ART3: variants seen among roughly 807,000 people sequenced by gnomAD.
The protein encoded by ART3 is ADP-ribosyltransferase 3 (inactive).
In ART3, 49 loss-of-function variants were observed where a neutral mutation model predicts 48.5. That is an observed-to-expected ratio of 1.01 (90% CI 0.80 to 1.28). ART3 has a LOEUF of 1.28. Ranked by LOEUF, ART3 falls within the 50% of genes most tolerant of loss-of-function variation. ART3 has a pLI of 0.00. For synonymous variants in ART3, 145 were observed against 157.2 expected (o/e 0.92, Z 0.58); for missense variants, 438 against 454.3 (o/e 0.96, Z 0.33).
intron 1 of ART3, among the ~76,000 whole-genome samples, chr4:76,053,077 C>T (rs1736290944): frequency 6.6e-6 from 1 of 152,122 alleles, no homozygotes; most frequent in Non-Finnish European, 1.5e-5. Context: ...TATTTGTTCC[C>T]TGAAAGTTGA....
chr4:76,049,974 G>A (rs553334812), intron 1 of ART3, among the ~76,000 whole-genome samples: 4 of 151,804 alleles, frequency 2.6e-5, no homozygotes, highest in South Asian at 2.1e-4. Flanking sequence ...GAGTGAAGCT[G>A]CAGACCTTAG....
intron 11 of ART3, among the ~76,000 whole-genome samples, chr4:76,111,541 G>GTATA (rs1729477076): frequency 6.6e-6 from 1 of 151,092 alleles, no homozygotes; most frequent in South Asian, 2.1e-4. Flanking sequence ...TAAAAATACA[G>GTATA]TTTATTTATT....
chr4:76,043,507 C>A (rs1578293393), intron 1 of ART3, among the ~76,000 whole-genome samples: 1 of 152,264 alleles, frequency 6.6e-6, no homozygotes, highest in South Asian at 2.1e-4. Context: ...ACCCAGTACA[C>A]CCTCCGCAGC....
At chr4:76,111,716 A>C (rs565272219) in intron 11 of ART3, among the ~76,000 whole-genome samples, 1 of 151,752 alleles carries the variant, frequency 6.6e-6, no homozygotes, top group Admixed American at 6.6e-5. Flanking sequence ...CTAATTCTGT[A>C]TATTTAGTAG....
intron 1 of ART3, among the ~76,000 whole-genome samples, chr4:76,060,141 T>A (rs181569149): frequency 6.6e-6 from 1 of 152,312 alleles, no homozygotes; most frequent in Admixed American, 6.5e-5. Context: ...AAAGTCTAAT[T>A]AACATGTAAG....
upstream of ART3, among the ~76,000 whole-genome samples, chr4:76,070,347 A>T (rs1342366709): frequency 6.6e-6 from 1 of 152,178 alleles, no homozygotes; most frequent in Non-Finnish European, 1.5e-5. Flanking sequence ...ATTCTCATCA[A>T]CATTTTATGT....
At chr4:76,027,948 A>G (rs1478536782) in intron 1 of ART3, among the ~76,000 whole-genome samples, 1 of 152,168 alleles carries the variant, frequency 6.6e-6, no homozygotes, top group East Asian at 1.9e-4. Context: ...AAATTAAAAG[A>G]CAGTGTATCC....
chr4:76,020,822 C>A lies in ART3; in HGVS notation c.-10+9502C>A, dbSNP rs921140292. On this transcript the variant is annotated intron_variant, in intron 1 of 9. Transcript: ENST00000341029. Reference sequence around the variant, plus strand: ...TGAGCTATGATTGCACCACTGCACTCCGGCTTGGGTGACAGAGGAAGACCC... The same window carrying A: ...TGAGCTATGATTGCACCACTGCACTACGGCTTGGGTGACAGAGGAAGACCC... Among the ~76,000 whole-genome samples the A allele has an allele frequency of 7.2e-5, 11 of 152,032 alleles. No individual in the cohort carries two copies. The East Asian group carries it at 1.5e-3, about 21-fold the overall frequency.
In ART3 at chr4:76,057,926, T is replaced by G. The variant is rs1365005948; in HGVS notation, c.-9-17955T>G. 2.0e-5 allele frequency: 3 copies of G among 152,242 alleles called. No individual in the cohort carries two copies. The East Asian group carries it at 5.8e-4, about 29-fold the overall frequency. 9.4% of individuals were successfully genotyped at this position (152,242 alleles called of 1,614,324 possible). A position where few individuals can be genotyped will look rare whatever the true frequency, so the allele number is the denominator to read the frequency against. On this transcript the variant is annotated intron_variant, in intron 1 of 9. Coordinates refer to the ART3 transcript ENST00000341029. The stretch of plus-strand genomic sequence containing the variant: ...TTTCGAACATTGATAGGAAAGCAAC[T>G]CACTTTGGTTTTTATTTGTAATATT...
intron 1 of ART3, among the ~76,000 whole-genome samples, chr4:76,048,688 C>T (rs186563956): frequency 6.6e-6 from 1 of 152,040 alleles, no homozygotes; most frequent in African/African-American, 2.4e-5. Context: ...CACTAGTTTT[C>T]CTCCCAGACC....
chr4:76,015,150 C>T (rs1386218487), intron 1 of ART3, among the ~76,000 whole-genome samples: 1 of 152,076 alleles, frequency 6.6e-6, no homozygotes, highest in South Asian at 2.1e-4. Context: ...ATATAAAAAC[C>T]AGTATTATTG....
At chr4:76,041,124 C>A (rs1324557282) in intron 1 of ART3, 2 of 152,226 alleles carry the variant, frequency 1.3e-5, no homozygotes, top group Non-Finnish European at 2.9e-5. Context: ...CAAGTCCTTT[C>A]CGTGTGTTCC....
chr4:76,011,584 A>C (rs543384506), intron 1 of ART3, among the ~76,000 whole-genome samples: 1 of 152,300 alleles, frequency 6.6e-6, no homozygotes, highest in Admixed American at 6.5e-5. Flanking sequence ...CCTTCGGATA[A>C]GAGAAAGGAG....
At chr4:76,104,686 C>CTATTAG in intron 10 of ART3, 57 bp downstream of exon 10, 1 of 1,542,312 alleles carries the variant, frequency 6.5e-7, no homozygotes, top group Non-Finnish European at 8.8e-7. Flanking sequence ...AGTACAGTCA[C>CTATTAG]CATTAGATAT....
At chr4:76,106,082 A>G in intron 10 of ART3, 1 of 985,306 alleles carries the variant, frequency 1.0e-6, no homozygotes, top group Non-Finnish European at 1.2e-6. Context: ...TTAATCCAAT[A>G]CGATAAATAT....
chr4:76,060,053 A>G (rs4616778), intron 1 of ART3, among the ~76,000 whole-genome samples: 89,041 of 151,894 alleles, frequency 0.59, 26,953 homozygotes, highest in East Asian at 0.94. Flanking sequence ...AACCTTGTCT[A>G]ATTTATCTTC....
intron 2 of ART3, among the ~76,000 whole-genome samples, chr4:76,079,475 T>A (rs1194131664): frequency 3.3e-5 from 5 of 152,196 alleles, no homozygotes; most frequent in African/African-American, 1.2e-4. Flanking sequence ...ATAAATTTGA[T>A]ATATAGGACT....
chr4:76,079,413 T>A (rs1721938991), intron 2 of ART3, among the ~76,000 whole-genome samples: 2 of 152,212 alleles, frequency 1.3e-5, no homozygotes, highest in Admixed American at 1.3e-4. Context: ...GTCTTAGACA[T>A]GTTACGTATG....
At chr4:76,099,776 A>C (rs558624030) in intron 5 of ART3, among the ~76,000 whole-genome samples, 2 of 152,380 alleles carry the variant, frequency 1.3e-5, no homozygotes, top group South Asian at 4.1e-4. Flanking sequence ...TTCTTTGCAC[A>C]TAAGTTCCTT....
Sources: gnomAD v4.1 joint callset for allele counts (sites outside exome capture counted in the v4.1 genomes callset) on GRCh38, gnomAD v4.1.1 for gene constraint, MANE v1.5 for transcripts, NCBI Gene and HGNC (gene_info 2026-07-23, HGNC 2026-07-21) for gene names.